The following AKAIN1 variants were observed in gnomAD, a reference collection of about 807,000 sequenced individuals.
The protein encoded by AKAIN1 is A-kinase anchor protein inhibitor 1.
Under a neutral mutation model 3.7 loss-of-function variants are expected in AKAIN1, and 3 were observed. The ratio of observed to expected loss-of-function variants is 0.82; its 90% CI spans 0.37 to 2.12. The LOEUF is 2.12. Ranked by LOEUF, AKAIN1 falls within the 30% of genes most tolerant of loss-of-function variation. The probability of loss-of-function intolerance (pLI) is 0.06; values close to 1 mark genes in which losing one functional copy is unlikely to be tolerated. For synonymous variants in AKAIN1, 31 were observed against 30.8 expected, an observed-to-expected ratio of 1.01 and a Z score of -0.02; for missense variants, 82 against 82.7, an observed-to-expected ratio of 0.99 and a Z score of 0.03.
chr18:5,190,233 C>T (rs1274403899), intron 1 of AKAIN1, among the ~76,000 whole-genome samples: 1 of 152,164 alleles, frequency 6.6e-6, no homozygotes, highest in Non-Finnish European at 1.5e-5. Context: ...CTAATCACCT[C>T]TTAAAGGTCT....
chr18:5,172,944 A>G (rs1302000471), intron 1 of AKAIN1, among the ~76,000 whole-genome samples: 2 of 152,148 alleles, frequency 1.3e-5, no homozygotes, highest in African/African-American at 4.8e-5. Context: ...TTGAAGCAAG[A>G]TAAATTATTT....
intron 1 of AKAIN1, among the ~76,000 whole-genome samples, chr18:5,165,466 C>G (rs2071162541): frequency 6.6e-6 from 1 of 151,912 alleles, no homozygotes; most frequent in Admixed American, 6.6e-5. Flanking sequence ...CCCATAAACA[C>G]AGTAAGAAAA....
intron 1 of AKAIN1, among the ~76,000 whole-genome samples, chr18:5,149,371 T>C (rs900654114): frequency 2.6e-5 from 4 of 152,200 alleles, no homozygotes; most frequent in African/African-American, 9.7e-5. Flanking sequence ...TTCTCTTCCG[T>C]TACCTTAAGC....
chr18:5,156,691 G>C (rs2071110474), intron 1 of AKAIN1, among the ~76,000 whole-genome samples: 1 of 152,150 alleles, frequency 6.6e-6, no homozygotes, highest in South Asian at 2.1e-4. Context: ...AAAATTGCAG[G>C]AGTTATGTGA....
At chr18:5,180,599 T>C (rs971613254) in intron 1 of AKAIN1, among the ~76,000 whole-genome samples, 2 of 152,150 alleles carry the variant, frequency 1.3e-5, no homozygotes, top group Non-Finnish European at 2.9e-5. Flanking sequence ...TTAACTTGTA[T>C]AGCATGACCT....
intron 1 of AKAIN1, among the ~76,000 whole-genome samples, chr18:5,153,939 T>C (rs1439439632): frequency 6.6e-6 from 1 of 152,140 alleles, no homozygotes; most frequent in Non-Finnish European, 1.5e-5. Flanking sequence ...ACCTTCTGCT[T>C]AGTTTTGCTA....
At chr18:5,159,368 G>T (rs1466414603) in intron 1 of AKAIN1, 4 of 152,136 alleles carry the variant, frequency 2.6e-5, no homozygotes, top group Non-Finnish European at 5.9e-5. Context: ...TGAGCTTTTG[G>T]TCTGAGAACC....
chr18:5,148,008 C>T (rs891084798), intron 1 of AKAIN1, among the ~76,000 whole-genome samples: 2 of 152,196 alleles, frequency 1.3e-5, no homozygotes, highest in African/African-American at 4.8e-5. Flanking sequence ...CCTCAGTAAG[C>T]CTCTTTGCAT....
At chr18:5,197,514 A>AAAAACTCTAAG, upstream of AKAIN1, 1 of 1,224,382 alleles carries the variant, frequency 8.2e-7, no homozygotes, top group Non-Finnish European at 1.0e-6. The surrounding 1 kb of genome is among the most constrained non-coding windows in gnomAD (Gnocchi z 6.9). Context: ...CAAAAAAAAA[A>AAAAACTCTAAG]AACTCTAAGA....
chr18:5,189,985 AT>A (rs1299489302), intron 1 of AKAIN1, among the ~76,000 whole-genome samples: 3 of 152,144 alleles, frequency 2.0e-5, no homozygotes, highest in African/African-American at 7.2e-5. Flanking sequence ...AGACTTAGTG[AT>A]TTATGCGGAC....
intron 1 of AKAIN1, among the ~76,000 whole-genome samples, chr18:5,147,865 A>G (rs1186083740): frequency 5.9e-5 from 9 of 152,220 alleles, no homozygotes; most frequent in Non-Finnish European, 8.8e-5. Flanking sequence ...TGAAGTGACC[A>G]AGAAGAATAG....
At chr18:5,154,423 A>G (rs1185323239) in intron 1 of AKAIN1, among the ~76,000 whole-genome samples, 4 of 152,180 alleles carry the variant, frequency 2.6e-5, no homozygotes, top group Admixed American at 6.5e-5. Context: ...ATTTCTGCAA[A>G]ATTCAGCAGA....
At chr18:5,158,379 G>A (rs2071120203) in intron 1 of AKAIN1, among the ~76,000 whole-genome samples, 1 of 152,188 alleles carries the variant, frequency 6.6e-6, no homozygotes, top group Admixed American at 6.5e-5. Context: ...ATGAGAGACG[G>A]TGCAGAAAAC....
chr18:5,149,441 G>C (rs2071067638), intron 1 of AKAIN1, among the ~76,000 whole-genome samples: 1 of 152,186 alleles, frequency 6.6e-6, no homozygotes, highest in Non-Finnish European at 1.5e-5. Flanking sequence ...CAAGTGTCCA[G>C]GAACCGTTCA....
At chr18:5,151,032 C>T (rs979161037) in intron 1 of AKAIN1, among the ~76,000 whole-genome samples, 2 of 152,074 alleles carry the variant, frequency 1.3e-5, no homozygotes, top group Non-Finnish European at 1.5e-5. Context: ...GGTTGTATCA[C>T]AAATGGCATC....
At chr18:5,149,033 T>C (rs1413348693) in intron 1 of AKAIN1, among the ~76,000 whole-genome samples, 1 of 152,210 alleles carries the variant, frequency 6.6e-6, no homozygotes, top group African/African-American at 2.4e-5. Flanking sequence ...CAGGTTGCTC[T>C]GTCTACCACT....
chr18:5,171,403 AC>A (rs1190698326), intron 1 of AKAIN1, among the ~76,000 whole-genome samples: 1 of 152,126 alleles, frequency 6.6e-6, no homozygotes, highest in Non-Finnish European at 1.5e-5. Context: ...TGAAGAGACA[AC>A]CCACAGAATG....
intron 1 of AKAIN1, 107 bp downstream of exon 1, chr18:5,196,931 A>C: frequency 9.6e-7 from 1 of 1,046,392 alleles, no homozygotes; most frequent in Non-Finnish European, 1.4e-6. Context: ...GTAACTCCGA[A>C]ACGCGCAGAT....
At position 5,145,718 on chromosome 18, in the gene AKAIN1, C is replaced by T; in HGVS notation, c.54G>A (p.Leu18=). The change falls in exon 2 of 2, where the codon CTG becomes CTA. Residue 18 remains leucine, a synonymous_variant. Transcript: ENST00000434239. ...GCACAATCTGTTTGCTGGCATTCTG[C>T]AGCTTCACCTCTTCAGGCTCATTTC... The part of the protein sequence containing the change: ...KPGNEPEEVK[L]QNASKQIVQN... 2 of 1,551,520 alleles carry T rather than the reference C, an allele frequency of 1.3e-6. No homozygotes were observed. Among genetic ancestry groups the T allele is most frequent in the Non-Finnish European group, 8.7e-7 (1 of 1,146,872 alleles).
Sources: allele counts gnomAD v4.1 joint callset (sites outside exome capture counted in the v4.1 genomes callset), GRCh38; gene constraint gnomAD v4.1.1; non-coding constraint Gnocchi (gnomAD v3.1); transcripts MANE v1.5; gene names NCBI Gene and HGNC (gene_info 2026-07-23, HGNC 2026-07-21).